The following CFAP299 variants were observed in gnomAD, a reference collection of about 807,000 sequenced individuals.
The protein encoded by CFAP299 is cilia and flagella associated protein 299.
A neutral mutation model predicts 27.0 loss-of-function variants in CFAP299; 21 were observed. That is an observed-to-expected ratio of 0.78 (90% CI 0.55 to 1.12). The LOEUF is 1.12. Among genes scored for constraint, CFAP299 ranks in the 50% most tolerant of loss-of-function variants. CFAP299 has a pLI of 0.00. For synonymous variants in CFAP299, 104 were observed against 98.1 expected, an observed-to-expected ratio of 1.06 and a Z score of -0.36; for missense variants, 310 against 276.6, an observed-to-expected ratio of 1.12 and a Z score of -0.86.
chr4:80,625,448 CAGAA>C (rs1738837989), intron 3 of CFAP299, among the ~76,000 whole-genome samples: 1 of 151,630 alleles, frequency 6.6e-6, no homozygotes, highest in African/African-American at 2.4e-5. Flanking sequence ...TAAAAGAAGA[CAGAA>C]AAAGAGAAAG....
intron 2 of CFAP299, among the ~76,000 whole-genome samples, chr4:80,544,266 C>T (rs926646768): frequency 5.3e-5 from 8 of 152,046 alleles, no homozygotes; most frequent in Admixed American, 4.6e-4. Context: ...TAAGGGAATA[C>T]CTCATTGGTA....
chr4:80,415,570 G>A (rs1460089510), intron 2 of CFAP299, among the ~76,000 whole-genome samples: 1 of 151,992 alleles, frequency 6.6e-6, no homozygotes, highest in East Asian at 1.9e-4. Context: ...ATATACATGG[G>A]AAATACTGGT....
In CFAP299 at chr4:80,493,153, C is replaced by T. The variant is rs186409992; in HGVS notation, c.243-89940C>T. Among the ~76,000 whole-genome samples the T allele has an allele frequency of 5.0e-3, 766 of 152,270 alleles. 4 individuals are homozygous for T. The highest frequency in any genetic ancestry group is 0.017 in the Middle Eastern group (5 of 294). ...GGTGTATATAATAGTTATAGTTATC[C>T]TCTTTAACTGCACATATTATGCATT... On this transcript the variant is annotated intron_variant, in intron 2 of 5. Coordinates refer to ENST00000358105, the MANE Select transcript of CFAP299 (RefSeq NM_152770.3).
At chr4:80,417,767 T>C (rs1466820634) in intron 2 of CFAP299, among the ~76,000 whole-genome samples, 1 of 152,162 alleles carries the variant, frequency 6.6e-6, no homozygotes, top group Non-Finnish European at 1.5e-5. Context: ...CACAGCTGTC[T>C]CTGCTCTTCT....
intron 3 of CFAP299, among the ~76,000 whole-genome samples, chr4:80,684,537 G>A (rs547569654): frequency 5.9e-5 from 9 of 152,254 alleles, no homozygotes; most frequent in African/African-American, 2.2e-4. Flanking sequence ...AGTGCTGCTG[G>A]GATTACAGGC....
rs987361332 is a variant in CFAP299, at chr4:80,769,169, G to A, written c.334-100824G>A. ...TTGGAAATAATGATAAATACATCTT[G>A]TTTAGTGCTTAGTAGGTGCCTGACA... On this transcript the variant is annotated intron_variant, in intron 3 of 5. Transcript: ENST00000358105. 9.9e-5 allele frequency among the ~76,000 whole-genome samples: 15 copies of A among 152,250 alleles called. No homozygotes were observed. In the East Asian group the frequency reaches 2.7e-3, roughly 27 times the overall value.
intron 4 of CFAP299, among the ~76,000 whole-genome samples, chr4:80,938,963 C>T (rs1261946613): frequency 6.6e-6 from 1 of 152,078 alleles, no homozygotes; most frequent in African/African-American, 2.4e-5. Context: ...TTTCTTTCAG[C>T]ACTTTAAATA....
At chr4:80,842,461 A>G (rs1221153296) in intron 3 of CFAP299, among the ~76,000 whole-genome samples, 1 of 152,098 alleles carries the variant, frequency 6.6e-6, no homozygotes, top group Non-Finnish European at 1.5e-5. Context: ...AAATTACTTA[A>G]CGCCTCTTAA....
Position 80,916,350 on chromosome 4 carries a change from C to T in CFAP299, c.477-28460C>T, listed in dbSNP as rs576490907. Reference sequence around the variant, plus strand: ...CTTTGTATGTACAGTATATTAATTGCATACTGGGCATTGTGGATTTTACAT... The same window carrying T: ...CTTTGTATGTACAGTATATTAATTGTATACTGGGCATTGTGGATTTTACAT... On this transcript the variant is annotated intron_variant, in intron 4 of 5. Coordinates refer to ENST00000358105, the MANE Select transcript of CFAP299 (RefSeq NM_152770.3). 9.4e-3 allele frequency among the ~76,000 whole-genome samples: 1,326 copies of T among 141,598 alleles called. 22 individuals carry two copies. Among genetic ancestry groups the T allele is most frequent in the African/African-American group, 0.034 (1,298 of 38,672 alleles). 92.9% of individuals were successfully genotyped at this position (141,598 alleles called of 152,430 possible).
Position 80,472,401 on chromosome 4 carries a change from A to T in CFAP299, c.242+109517A>T, listed in dbSNP as rs566307570. On this transcript the variant is annotated intron_variant, in intron 2 of 5. Coordinates refer to ENST00000358105, the MANE Select transcript of CFAP299 (RefSeq NM_152770.3). ...TTTTTAATAAAAACTTTGACGCATAATTAATCATTTTCCCCAAAAAAACTA... is the reference window on the plus strand; with the variant it reads ...TTTTTAATAAAAACTTTGACGCATATTTAATCATTTTCCCCAAAAAAACTA... Among the ~76,000 whole-genome samples, 9 of 152,316 alleles carry T rather than the reference A, an allele frequency of 5.9e-5. No homozygotes were observed. In the South Asian group the frequency reaches 1.9e-3, roughly 32 times the overall value.
intron 5 of CFAP299, among the ~76,000 whole-genome samples, chr4:80,960,445 A>G (rs1483170602): frequency 6.6e-6 from 1 of 151,876 alleles, no homozygotes; most frequent in Non-Finnish European, 1.5e-5. Flanking sequence ...AACTTTCAAT[A>G]TGGAAAATAT....
At chr4:80,495,708 C>T (rs896713085) in intron 2 of CFAP299, among the ~76,000 whole-genome samples, 19 of 152,146 alleles carry the variant, frequency 1.2e-4, no homozygotes, top group African/African-American at 1.7e-4. Flanking sequence ...TACCCAAGAC[C>T]GGGCAATTTA....
intron 3 of CFAP299, among the ~76,000 whole-genome samples, chr4:80,602,944 T>G (rs1737436446): frequency 6.6e-6 from 1 of 152,178 alleles, no homozygotes; most frequent in Admixed American, 6.5e-5. Context: ...GTTTCTCTGC[T>G]TCTCAGTTTT....
chr4:80,803,442 A>G (rs1728711705), intron 3 of CFAP299, among the ~76,000 whole-genome samples: 1 of 152,050 alleles, frequency 6.6e-6, no homozygotes, highest in Non-Finnish European at 1.5e-5. Context: ...TCTGTGTACA[A>G]AAGCTTCACA....
At chr4:80,799,884 A>G (rs1193876208) in intron 3 of CFAP299, among the ~76,000 whole-genome samples, 12 of 38,226 alleles carry the variant, frequency 3.1e-4, no homozygotes, top group African/African-American at 1.3e-3. Context: ...TATATTATAT[A>G]ATATATAAAT....
In CFAP299 at chr4:80,790,632, G is replaced by A. The variant is rs1727506650; in HGVS notation, c.334-79361G>A. On this transcript the variant is annotated intron_variant, in intron 3 of 5. Transcript: ENST00000358105. ...TCTGCAGTTTGTAACCCAGAAAAGG[G>A]CCATCACTGGGTTCCTACTATGCTG... The A allele has an allele frequency of 2.0e-5, 3 of 151,914 alleles. No individual in the cohort carries two copies. The South Asian group carries it at 6.2e-4, about 32-fold the overall frequency. 9.4% of individuals were successfully genotyped at this position (151,914 alleles called of 1,614,324 possible). A position where few individuals can be genotyped will look rare whatever the true frequency, so the allele number is the denominator to read the frequency against.
At chr4:80,378,683 G>A (rs756243195) in intron 2 of CFAP299, among the ~76,000 whole-genome samples, 5 of 151,874 alleles carry the variant, frequency 3.3e-5, no homozygotes. Flanking sequence ...GGTTTTTCAG[G>A]TTCTTTACTT....
rs957173920 is a variant in CFAP299 at position 80,673,432 on chromosome 4, A to G, written c.333+90249A>G. The stretch of plus-strand genomic sequence containing the variant: ...GCTGAGGCATGCTTTACTTCCGACT[A>G]TGTGGTCAGTTTGGGAATAAGTGTG... On this transcript the variant is annotated intron_variant, in intron 3 of 5. Transcript: ENST00000358105. Among the ~76,000 whole-genome samples, 6 of 152,048 alleles carry G rather than the reference A, an allele frequency of 3.9e-5. No homozygotes were observed. The East Asian group carries it at 9.6e-4, about 24-fold the overall frequency.
At chr4:80,869,711 A>C in intron 3 of CFAP299, among the ~76,000 whole-genome samples, 1 of 152,192 alleles carries the variant, frequency 6.6e-6, no homozygotes, top group Non-Finnish European at 1.5e-5. Context: ...ATGGGGTTTC[A>C]CCATGTTGGC....
Sources: allele counts gnomAD v4.1 joint callset (sites outside exome capture counted in the v4.1 genomes callset), GRCh38; gene constraint gnomAD v4.1.1; transcripts MANE v1.5; gene names NCBI Gene and HGNC (gene_info 2026-07-23, HGNC 2026-07-21).